HARBI1: variants seen among roughly 807,000 people sequenced by gnomAD.
The protein encoded by HARBI1 is harbinger transposase derived 1, also known as putative nuclease HARBI1.
Under a neutral mutation model 25.3 loss-of-function variants are expected in HARBI1, and 15 were observed. The observed-to-expected ratio is 0.59, with a 90% CI of 0.40 to 0.91. The LOEUF is 0.91. HARBI1 is among the 40% of genes least tolerant of loss of function. The pLI, the probability that HARBI1 is intolerant of heterozygous loss-of-function variation, is 0.00. For missense variants in HARBI1, 396 were observed against 445.8 expected, an observed-to-expected ratio of 0.89 and a Z score of 1.01; for synonymous variants, 168 against 160.5, an observed-to-expected ratio of 1.05 and a Z score of -0.35.
intron 1 of HARBI1, 65 bp downstream of exon 1, chr11:46,617,059 C>T (rs2045589957): frequency 2.1e-6 from 2 of 943,178 alleles, no homozygotes; most frequent in Non-Finnish European, 2.5e-6. Context: ...TTAAAGGGCA[C>T]CCTAAAAACG....
At chr11:46,609,695 A>G (rs2045098052) in intron 2 of HARBI1, among the ~76,000 whole-genome samples, 1 of 151,984 alleles carries the variant, frequency 6.6e-6, no homozygotes, top group African/African-American at 2.4e-5. Context: ...AACTAGCTTT[A>G]ATAAACACTT....
At chr11:46,608,511 C>T (rs1233852262) in intron 2 of HARBI1, among the ~76,000 whole-genome samples, 1 of 152,072 alleles carries the variant, frequency 6.6e-6, no homozygotes, top group Non-Finnish European at 1.5e-5. Context: ...ATAGCACGAT[C>T]GTAGCTCACT....
Position 46,603,547 on chromosome 11 carries a change from G to A in HARBI1, c.1033C>T (p.Leu345Phe). 6.3e-7 allele frequency: 1 copy of A among 1,598,096 alleles called. No individual in the cohort carries two copies. ...CTTCTACATTAGCTAAAATGAGTGA[G>A]CATTAGCTCCTGACGAATACGGTCA... ...EADRIRQELM[L>F]THFS The change falls in exon 3 of 3, where the codon CTC (leucine) becomes TTC (phenylalanine). Residue 345 changes from leucine to phenylalanine, a missense_variant. By Grantham distance (22) the Leu-to-Phe change is conservative. Transcript: ENST00000326737.
Position 46,603,916 on chromosome 11 carries a change from G to A in HARBI1, c.671-7C>T, listed in dbSNP as rs757443846. 1.3e-6 allele frequency: 2 copies of A among 1,599,402 alleles called. No homozygotes were observed. Among genetic ancestry groups the A allele is most frequent in the Non-Finnish European group, 1.7e-6 (2 of 1,172,650 alleles). ...AGAAAGAAGGAACTGTCACCTGTGG[G>A]GAAGGCCCAAATAAATCATAAATGA... On this transcript the variant is annotated splice_region_variant and splice_polypyrimidine_tract_variant and intron_variant, in intron 2 of 2. Coordinates refer to ENST00000326737, the MANE Select transcript of HARBI1 (RefSeq NM_173811.4).
chr11:46,614,650 A>G (rs1258059354), intron 2 of HARBI1, among the ~76,000 whole-genome samples: 3 of 152,222 alleles, frequency 2.0e-5, no homozygotes, highest in Non-Finnish European at 2.9e-5. Flanking sequence ...TATCTTGCTC[A>G]GGCTGGTCTC....
intron 1 of HARBI1, chr11:46,616,859 A>AAAAC: frequency 1.0e-6 from 1 of 953,270 alleles, no homozygotes; most frequent in Non-Finnish European, 1.2e-6. Flanking sequence ...AAAAAAAAAA[A>AAAAC]AAACAACCAA....
rs544156097 is a variant in HARBI1 at position 46,616,181 on chromosome 11, G to C, written c.57C>G (p.His19Gln). Residue 19 changes from histidine to glutamine, a missense_variant, in exon 2 of 3, where the codon CAC becomes CAG. Physicochemically the swap from His to Gln is conservative, Grantham distance 24. Transcript: ENST00000326737. ...DCDLLLYGRG[H>Q]RTLDRFKLDD... Reference sequence around the variant, plus strand: ...CCAGCTTAAAACGGTCCAATGTCCGGTGACCACGGCCATATAGCAAGAGGT... The same window carrying C: ...CCAGCTTAAAACGGTCCAATGTCCGCTGACCACGGCCATATAGCAAGAGGT... 1 of 1,613,424 alleles carries C rather than the reference G, an allele frequency of 6.2e-7. No individual in the cohort carries two copies. The highest frequency in any genetic ancestry group is 1.3e-5 in the African/African-American group (1 of 75,036).
rs1591228928 is a variant in HARBI1, at chr11:46,603,453, T to C, written c.*77A>G. On this transcript the variant is annotated 3_prime_UTR_variant, in exon 3 of 3. Transcript: ENST00000326737. ...CTGTATACTCAGTCATGCTAGATGATGGAACTGTGTAAAAGGTGATGAGGA... is the reference window on the plus strand; with the variant it reads ...CTGTATACTCAGTCATGCTAGATGACGGAACTGTGTAAAAGGTGATGAGGA... 8.0e-7 allele frequency: 1 copy of C among 1,243,190 alleles called. No individual in the cohort carries two copies. The highest frequency in any genetic ancestry group is 1.1e-6 in the Non-Finnish European group (1 of 884,800). The allele number at this position is 1,243,190 out of a possible 1,614,324, so 77.0% of individuals were successfully genotyped here. A position where few individuals can be genotyped will look rare whatever the true frequency, so the allele number is the denominator to read the frequency against.
intron 1 of HARBI1, 91 bp from the exon 2 acceptor site, chr11:46,616,472 AT>A: frequency 7.4e-7 from 1 of 1,344,766 alleles, no homozygotes; most frequent in Non-Finnish European, 9.5e-7. Flanking sequence ...ACAAATTTCC[AT>A]TTTGTTGAGG....
chr11:46,606,292 C>T (rs1177666485), intron 2 of HARBI1, among the ~76,000 whole-genome samples: 1 of 151,872 alleles, frequency 6.6e-6, no homozygotes, highest in African/African-American at 2.4e-5. Context: ...TGAACACCTA[C>T]TATGTAGCAT....
chr11:46,615,713 G>C lies in HARBI1; in HGVS notation c.525C>G (p.Asn175Lys). 2 of 1,614,180 alleles carry C rather than the reference G, an allele frequency of 1.2e-6. No individual in the cohort carries two copies. The highest frequency in any genetic ancestry group is 1.7e-6 in the Non-Finnish European group (2 of 1,180,036). Residue 175 changes from asparagine (N) to lysine (K), a missense_variant, in exon 2 of 3, where the codon AAC becomes AAG. Asn to Lys is a moderately conservative substitution (Grantham distance 94, BLOSUM62 0). Transcript: ENST00000326737. The stretch of plus-strand genomic sequence containing the variant: ...CTCTAATGTCACACACCATCAGGCA[G>C]TTTAAAGAATGCAGGCCTTTTCGGT... ...YVNRKGLHSL[N>K]CLMVCDIRGT...
intron 2 of HARBI1, among the ~76,000 whole-genome samples, chr11:46,608,273 G>A (rs2045034359): frequency 6.6e-6 from 1 of 152,048 alleles, no homozygotes; most frequent in Admixed American, 6.6e-5. Context: ...ACCACAGCCT[G>A]GGCAACAAGA....
intron 2 of HARBI1, among the ~76,000 whole-genome samples, chr11:46,609,850 A>ATTTT (rs750558478): frequency 8.0e-6 from 1 of 124,940 alleles, no homozygotes; most frequent in Non-Finnish European, 1.6e-5. Context: ...AAATAAAAGA[A>ATTTT]TTTTTTTTTT....
intron 2 of HARBI1, 26 bp from the exon 3 acceptor site, chr11:46,603,935 T>C (rs2044843671): frequency 1.3e-6 from 2 of 1,573,850 alleles, no homozygotes; most frequent in Non-Finnish European, 8.6e-7. Flanking sequence ...AAATAAATCA[T>C]AAATGACTAT....
Position 46,609,295 on chromosome 11 carries a change from C to T in HARBI1, c.671-5386G>A, listed in dbSNP as rs1221108119. Among the ~76,000 whole-genome samples the T allele has an allele frequency of 6.6e-5, 10 of 151,026 alleles. No individual in the cohort carries two copies. In the South Asian group the frequency reaches 2.1e-3, roughly 32 times the overall value. ...CAGGCTTGTCTTGAACCTCTGACCT[C>T]GTTATCCACCTGCCTTGGCCTCCCA... is the stretch of plus-strand genomic sequence containing the variant. On this transcript the variant is annotated intron_variant, in intron 2 of 2. Coordinates refer to ENST00000326737, the MANE Select transcript of HARBI1 (RefSeq NM_173811.4).
intron 1 of HARBI1, chr11:46,616,893 C>T (rs1182233481): frequency 1.0e-6 from 1 of 952,548 alleles, no homozygotes; most frequent in African/African-American, 2.0e-5. Context: ...GCCTTATGGA[C>T]GTACACTGTG....
chr11:46,615,048 G>C (rs1271324615), intron 2 of HARBI1, among the ~76,000 whole-genome samples: 1 of 147,480 alleles, frequency 6.8e-6, no homozygotes, highest in Admixed American at 6.8e-5. Flanking sequence ...GAGTAGCTGG[G>C]ATTGCAGGCA....
intron 2 of HARBI1, among the ~76,000 whole-genome samples, chr11:46,610,269 G>A (rs949185712): frequency 1.3e-5 from 2 of 151,944 alleles, no homozygotes; most frequent in Admixed American, 6.6e-5. Context: ...TCAATAAGTT[G>A]TGATCATGCC....
rs1477991156 is a variant in HARBI1, at chr11:46,616,260, C to T, written c.-23G>A. ...CATGGTAAATGTGAATGTTGGCTCT[C>T]CTCTTTGCTTTTTCTGAACTGTTCC... On this transcript the variant is annotated 5_prime_UTR_variant, in exon 2 of 3. Coordinates refer to ENST00000326737, the MANE Select transcript of HARBI1 (RefSeq NM_173811.4). 1 of 1,585,420 alleles carries T rather than the reference C, an allele frequency of 6.3e-7. No individual in the cohort carries two copies. Among genetic ancestry groups the T allele is most frequent in the Non-Finnish European group, 8.6e-7 (1 of 1,169,126 alleles).
Sources: allele counts gnomAD v4.1 joint callset (sites outside exome capture counted in the v4.1 genomes callset), GRCh38; gene constraint gnomAD v4.1.1; transcripts MANE v1.5; gene names NCBI Gene and HGNC (gene_info 2026-07-23, HGNC 2026-07-21).